The following DEPTOR variants were observed in gnomAD, a reference collection of about 807,000 sequenced individuals.
DEPTOR encodes the protein DEP domain-containing mTOR-interacting protein.
DEPTOR carries 41 observed loss-of-function variants against 41.6 expected under a neutral mutation model. The ratio of observed to expected loss-of-function variants is 0.98; its 90% confidence interval spans 0.77 to 1.28. The LOEUF is 1.28. Ranked by LOEUF, DEPTOR falls within the 50% of genes most tolerant of loss-of-function variation. The pLI, the probability that DEPTOR is intolerant of heterozygous loss-of-function variation, is 0.00. For synonymous variants in DEPTOR, 195 were observed against 192.3 expected (o/e 1.01, Z -0.12); for missense variants, 514 against 527.9 (o/e 0.97, Z 0.26).
intron 4 of DEPTOR, among the ~76,000 whole-genome samples, chr8:119,969,153 G>A (rs1302670158): frequency 6.6e-6 from 1 of 151,864 alleles, no homozygotes; most frequent in African/African-American, 2.4e-5. Context: ...CTTATACTAT[G>A]ATGTACTGAC....
At chr8:120,030,497 GTTTTTT>G (rs1171655489) in intron 8 of DEPTOR, among the ~76,000 whole-genome samples, 1,140 of 46,098 alleles carry the variant, frequency 0.025, 11 homozygotes, top group Non-Finnish European at 0.035. Context: ...AGGTTCATCA[GTTTTTT>G]TTTTTTTTTT....
intron 1 of DEPTOR, among the ~76,000 whole-genome samples, chr8:119,887,169 C>T (rs1242544319): frequency 2.9e-5 from 3 of 103,544 alleles, no homozygotes; most frequent in Non-Finnish European, 3.9e-5. Flanking sequence ...CCTCCCCTCC[C>T]TTCCCTTCCC....
At chr8:119,923,893 C>CTTTTTTTTTTTTTTTTTTTTT (rs769960283) in intron 1 of DEPTOR, among the ~76,000 whole-genome samples, 9 of 104,970 alleles carry the variant, frequency 8.6e-5, no homozygotes, top group Non-Finnish European at 1.1e-4. Flanking sequence ...TTTTTTCTTT[C>CTTTTTTTTTTTTTTTTTTTTT]TTTTTTTTTT....
intron 3 of DEPTOR, among the ~76,000 whole-genome samples, chr8:119,935,982 G>T (rs974257397): frequency 1.4e-5 from 2 of 146,614 alleles, no homozygotes; most frequent in Admixed American, 6.9e-5. Flanking sequence ...CTGGTTCATA[G>T]ACACATTAGT....
rs1301903989 is a variant in DEPTOR at position 119,928,582 on chromosome 8, A to C, written c.301+4A>C. The C allele has an allele frequency of 6.2e-7, 1 of 1,612,434 alleles. No homozygotes were observed. The highest frequency in any genetic ancestry group is 1.3e-5 in the African/African-American group (1 of 74,866). ...GACCGGGGCATTATTCACCATGGTGAGTGCGGTGGCGAGTCAAGGTGACTT... is the reference window on the plus strand; with the variant it reads ...GACCGGGGCATTATTCACCATGGTGCGTGCGGTGGCGAGTCAAGGTGACTT... On this transcript the variant is annotated splice_donor_region_variant and intron_variant, in intron 2 of 8. Coordinates refer to ENST00000286234, the MANE Select transcript of DEPTOR (RefSeq NM_022783.4).
chr8:120,015,825 G>C lies in DEPTOR; in HGVS notation c.1101+6692G>C, dbSNP rs559835093. On this transcript the variant is annotated intron_variant, in intron 8 of 8. Coordinates refer to ENST00000286234, the MANE Select transcript of DEPTOR (RefSeq NM_022783.4). ...AGGGCTCAGGGGATTGGTTTGACGAGGCATGTCATTCACGTAGCCCGAAAA... is the reference window on the plus strand; with the variant it reads ...AGGGCTCAGGGGATTGGTTTGACGACGCATGTCATTCACGTAGCCCGAAAA... 5.9e-5 allele frequency among the ~76,000 whole-genome samples: 9 copies of C among 152,250 alleles called. No individual in the cohort carries two copies. In the South Asian group the frequency reaches 1.9e-3, roughly 32 times the overall value.
rs546988404 is a variant in DEPTOR at position 119,927,376 on chromosome 8, T to A, written c.123-1024T>A. 5.9e-5 allele frequency among the ~76,000 whole-genome samples: 9 copies of A among 152,018 alleles called. No homozygotes were observed. The South Asian group carries it at 1.9e-3, about 32-fold the overall frequency. ...TCGATTCATGTAATTTAAACCCAGG[T>A]TAGGTGGCTTCATGAACTGTTGAAT... is the stretch of plus-strand genomic sequence containing the variant. On this transcript the variant is annotated intron_variant, in intron 1 of 8. Transcript: ENST00000286234.
At chr8:119,878,223 C>T (rs1827253032) in intron 1 of DEPTOR, among the ~76,000 whole-genome samples, 1 of 152,002 alleles carries the variant, frequency 6.6e-6, no homozygotes, top group Admixed American at 6.6e-5. Context: ...CCATGTTGGT[C>T]AGGCTGGTCT....
intron 4 of DEPTOR, among the ~76,000 whole-genome samples, chr8:119,981,759 G>A (rs1351196316): frequency 1.3e-5 from 2 of 151,964 alleles, no homozygotes; most frequent in Non-Finnish European, 1.5e-5. Flanking sequence ...GCTCATGCCT[G>A]TAATCCCAGC....
At chr8:119,916,833 A>G (rs1827821122) in intron 1 of DEPTOR, among the ~76,000 whole-genome samples, 1 of 152,238 alleles carries the variant, frequency 6.6e-6, no homozygotes, top group Non-Finnish European at 1.5e-5. Context: ...GGCAAGGACT[A>G]GAGTCCTTTA....
At chr8:119,950,052 T>C (rs1469702830) in intron 3 of DEPTOR, among the ~76,000 whole-genome samples, 1 of 152,182 alleles carries the variant, frequency 6.6e-6, no homozygotes, top group Non-Finnish European at 1.5e-5. Flanking sequence ...ATTTTTTCTG[T>C]GTAGTATGAG....
At chr8:119,906,370 C>T (rs1333266843) in intron 1 of DEPTOR, among the ~76,000 whole-genome samples, 4 of 151,554 alleles carry the variant, frequency 2.6e-5, no homozygotes, top group African/African-American at 9.7e-5. Context: ...GCGGGAAGAT[C>T]ACTTGAGCCC....
At position 120,049,737 on chromosome 8, in the gene DEPTOR, T is replaced by G; in HGVS notation, c.*33T>G. ...GGCCTCCCAGCCCTCCAGTGGCCTG[T>G]GGGTGAGGGAAGCCAGAATGACACA... On this transcript the variant is annotated 3_prime_UTR_variant, in exon 9 of 9. Coordinates refer to ENST00000286234, the MANE Select transcript of DEPTOR (RefSeq NM_022783.4). 1.2e-6 allele frequency: 2 copies of G among 1,611,354 alleles called. No individual in the cohort carries two copies. Among genetic ancestry groups the G allele is most frequent in the African/African-American group, 1.3e-5 (1 of 74,976 alleles).
intron 3 of DEPTOR, among the ~76,000 whole-genome samples, chr8:119,937,322 C>A (rs572100245): frequency 5.9e-5 from 9 of 152,052 alleles, no homozygotes; most frequent in Non-Finnish European, 1.3e-4. Context: ...ATCGCTTGAA[C>A]CCGGGAGGCA....
At chr8:120,003,205 T>C in intron 6 of DEPTOR, 94 bp downstream of exon 6, 3 of 1,548,262 alleles carry the variant, frequency 1.9e-6, no homozygotes, top group Non-Finnish European at 2.6e-6. Context: ...GACTAGTGTG[T>C]GGGTTCTAAT....
chr8:119,936,673 T>C (rs1828117843), intron 3 of DEPTOR, among the ~76,000 whole-genome samples: 1 of 152,182 alleles, frequency 6.6e-6, no homozygotes, highest in Admixed American at 6.5e-5. Flanking sequence ...CTATTTCCAG[T>C]ATAGAGGTGT....
chr8:119,874,188 G>A, intron 1 of DEPTOR: 1 of 672,988 alleles, frequency 1.5e-6, no homozygotes, highest in Non-Finnish European at 2.3e-6. Context: ...GGCAGAAGCC[G>A]ACGAGCGGGT....
At chr8:119,995,453 G>C (rs1812246060) in intron 4 of DEPTOR, among the ~76,000 whole-genome samples, 1 of 152,016 alleles carries the variant, frequency 6.6e-6, no homozygotes, top group South Asian at 2.1e-4. Context: ...AGGCCTGGTG[G>C]TAGGTGCCTA....
chr8:119,992,808 C>G (rs1394434850), intron 4 of DEPTOR, among the ~76,000 whole-genome samples: 1 of 151,904 alleles, frequency 6.6e-6, no homozygotes, highest in Non-Finnish European at 1.5e-5. Flanking sequence ...AGGTGCGCAC[C>G]ACCATGCCTG....
Sources: allele counts gnomAD v4.1 joint callset (sites outside exome capture counted in the v4.1 genomes callset), GRCh38; gene constraint gnomAD v4.1.1; transcripts MANE v1.5; gene names NCBI Gene and HGNC (gene_info 2026-07-23, HGNC 2026-07-21).